ZDHHC7: variants seen among roughly 807,000 people sequenced by gnomAD.
The protein encoded by ZDHHC7 is zDHHC palmitoyltransferase 7.
In ZDHHC7, 12 loss-of-function variants were observed where a neutral mutation model predicts 34.1. The observed-to-expected ratio is 0.35, with a 90% CI of 0.23 to 0.57. The LOEUF is 0.57. Ranked by LOEUF, ZDHHC7 falls within the 20% of genes least tolerant of loss-of-function variation. ZDHHC7 has a pLI of 0.84. For missense variants in ZDHHC7, 388 were observed against 402.7 expected, an observed-to-expected ratio of 0.96 and a Z score of 0.31; for synonymous variants, 185 against 155.4, an observed-to-expected ratio of 1.19 and a Z score of -1.42.
chr16:85,012,092 T>C (rs995489585), upstream of ZDHHC7, among the ~76,000 whole-genome samples: 1 of 152,132 alleles, frequency 6.6e-6, no homozygotes, highest in Non-Finnish European at 1.5e-5. Flanking sequence ...TAGGAACATG[T>C]ATTTTAAGGC....
chr16:84,993,649 A>C (rs1240051251), intron 2 of ZDHHC7, among the ~76,000 whole-genome samples: 2 of 152,198 alleles, frequency 1.3e-5, no homozygotes, highest in African/African-American at 2.4e-5. Context: ...CAATGTCAAA[A>C]AAATTGTTTT....
At chr16:85,011,180 G>A (rs2072786410) in intron 1 of ZDHHC7, 106 bp downstream of exon 1, 2 of 152,360 alleles carry the variant, frequency 1.3e-5, no homozygotes, top group African/African-American at 2.4e-5. Context: ...CGGCGGGGTG[G>A]AGACAGAGCG....
chr16:84,990,623 T>C lies in ZDHHC7; in HGVS notation c.-5A>G, dbSNP rs771988535. ...CCTGTGTCCTGATGGCTGCATGATT[T>C]CCCTGACGCACCCTGGGGAGGGGGA... On this transcript the variant is annotated 5_prime_UTR_variant, in exon 3 of 8. Transcript: ENST00000313732. The C allele has an allele frequency of 9.9e-6, 16 of 1,611,682 alleles. No homozygotes were observed. In the African/African-American group the frequency reaches 2.1e-4, roughly 22 times the overall value.
In ZDHHC7 at chr16:84,992,295, C is replaced by A. The variant is rs191169527; in HGVS notation, c.-17-1660G>T. ...CCAGCCTGGCCAAGCTGGTGAAACCCGTCTCTACTAAAAATATAAAAATTA... is the reference window on the plus strand; with the variant it reads ...CCAGCCTGGCCAAGCTGGTGAAACCAGTCTCTACTAAAAATATAAAAATTA... On this transcript the variant is annotated intron_variant, in intron 2 of 7. Transcript: ENST00000313732. Among the ~76,000 whole-genome samples the A allele has an allele frequency of 3.8e-3, 582 of 151,542 alleles. 2 individuals carry two copies. The highest frequency in any genetic ancestry group is 7.1e-3 in the Admixed American group (108 of 15,180).
chr16:85,009,018 C>A (rs112876084), intron 1 of ZDHHC7, among the ~76,000 whole-genome samples: 311 of 149,550 alleles, frequency 2.1e-3, no homozygotes, highest in African/African-American at 7.6e-3. Flanking sequence ...GCACTCCAGC[C>A]TGGGCAACAA....
chr16:85,013,099 A>G (rs2072815286), upstream of ZDHHC7, among the ~76,000 whole-genome samples: 1 of 152,098 alleles, frequency 6.6e-6, no homozygotes, highest in South Asian at 2.1e-4. Context: ...TAGCCCAGAG[A>G]GGGCACCAAA....
intron 1 of ZDHHC7, among the ~76,000 whole-genome samples, chr16:85,006,914 G>A (rs954069439): frequency 8.0e-5 from 12 of 150,804 alleles, no homozygotes; most frequent in African/African-American, 2.7e-4. Context: ...CTGTGGTTTT[G>A]CTCCTGTTTC....
intron 3 of ZDHHC7, among the ~76,000 whole-genome samples, chr16:84,986,159 G>A (rs2072434166): frequency 6.6e-6 from 1 of 152,160 alleles, no homozygotes; most frequent in Non-Finnish European, 1.5e-5. Context: ...GGAGGGGAAC[G>A]GCGTGGGCGA....
At chr16:84,986,769 C>A (rs1475903480) in intron 3 of ZDHHC7, among the ~76,000 whole-genome samples, 1 of 152,148 alleles carries the variant, frequency 6.6e-6, no homozygotes, top group African/African-American at 2.4e-5. Context: ...ACTGCCCAGT[C>A]CTATTGGTTT....
At chr16:85,019,015 C>T in the ZDHHC7 span, among the ~76,000 whole-genome samples, 1 of 152,166 alleles carries the variant, frequency 6.6e-6, no homozygotes, top group Non-Finnish European at 1.5e-5. Context: ...GTAGGTGGAG[C>T]AGGTCTGGAA....
intron 4 of ZDHHC7, 174 bp from the exon 5 acceptor site, chr16:84,979,459 T>C (rs2072338369): frequency 1.5e-6 from 1 of 685,522 alleles, no homozygotes; most frequent in Non-Finnish European, 1.8e-6. Context: ...TAATTAAATG[T>C]CTTCCGTTTC....
At chr16:85,010,164 C>T (rs560965770) in intron 1 of ZDHHC7, among the ~76,000 whole-genome samples, 9 of 151,460 alleles carry the variant, frequency 5.9e-5, no homozygotes, top group East Asian at 1.9e-4. Context: ...AGACCTCAGG[C>T]GTGTACCACC....
intron 4 of ZDHHC7, among the ~76,000 whole-genome samples, chr16:84,981,618 C>T (rs893652887): frequency 5.9e-5 from 9 of 152,198 alleles, no homozygotes; most frequent in African/African-American, 1.7e-4. Context: ...TGAGCCACAG[C>T]GAGTCCCTCG....
intron 2 of ZDHHC7, among the ~76,000 whole-genome samples, chr16:84,995,106 G>A (rs569039085): frequency 6.6e-6 from 1 of 152,278 alleles, no homozygotes; most frequent in East Asian, 1.9e-4. Context: ...AACCACCGTT[G>A]ACTTCATACT....
intron 7 of ZDHHC7, 141 bp from the exon 8 acceptor site, chr16:84,976,660 C>A: frequency 8.2e-7 from 1 of 1,221,152 alleles, no homozygotes; most frequent in Non-Finnish European, 1.1e-6. Flanking sequence ...CAGCTCTGCC[C>A]CGATCCAGAC....
chr16:84,981,860 G>C lies in ZDHHC7; in HGVS notation c.440+10C>G, dbSNP rs374282797. The C allele has an allele frequency of 5.0e-6, 8 of 1,613,754 alleles. No individual in the cohort carries two copies. In the African/African-American group the frequency reaches 1.1e-4, roughly 22 times the overall value. ...GGATGCGCTCGGGTTTAATACAGCA[G>C]CGCACGTACCTGCAGTGGTGGGCGC... is the stretch of plus-strand genomic sequence containing the variant. On this transcript the variant is annotated intron_variant, in intron 4 of 7. Coordinates refer to ENST00000313732, the MANE Select transcript of ZDHHC7 (RefSeq NM_017740.3).
At chr16:85,005,020 C>G (rs2072701214) in intron 1 of ZDHHC7, 1 of 152,160 alleles carries the variant, frequency 6.6e-6, no homozygotes, top group Admixed American at 6.5e-5. Flanking sequence ...TACTCGTACC[C>G]CAAAGGTTCC....
rs1456008584 is a variant in ZDHHC7 at position 84,976,518 on chromosome 16, T to C, written c.752A>G (p.Glu251Gly). 6.2e-7 allele frequency: 1 copy of C among 1,612,668 alleles called. No homozygotes were observed. The highest frequency in any genetic ancestry group is 1.1e-5 in the South Asian group (1 of 90,938). Residue 251 changes from glutamate to glycine, a missense_variant and splice_region_variant, in exon 8 of 8, where the codon GAG (glutamate) becomes GGG (glycine). Glu to Gly is a moderately conservative substitution (Grantham distance 98). Coordinates refer to ENST00000313732, the MANE Select transcript of ZDHHC7 (RefSeq NM_017740.3). ...CTTCTCACTTTTCAATCGCTCGATC[T>C]CCTGGAAGCAGAAAGAAAAGCAAGT... ...QIHSICNDET[E>G]IERLKSEKPT...
the ZDHHC7 span, among the ~76,000 whole-genome samples, chr16:85,017,333 T>G: frequency 2.0e-5 from 3 of 152,066 alleles, no homozygotes; most frequent in Non-Finnish European, 4.4e-5. Context: ...AGACACCCAC[T>G]AGAATGGCTA....
Sources: allele counts gnomAD v4.1 joint callset (sites outside exome capture counted in the v4.1 genomes callset), GRCh38; gene constraint gnomAD v4.1.1; transcripts MANE v1.5; gene names NCBI Gene and HGNC (gene_info 2026-07-23, HGNC 2026-07-21).